The following SPICE1 variants were observed in gnomAD, a reference collection of about 807,000 sequenced individuals.
The protein encoded by SPICE1 is spindle and centriole-associated protein 1.
Under a neutral mutation model 102.7 loss-of-function variants are expected in SPICE1, and 75 were observed. The ratio of observed to expected loss-of-function variants is 0.73; its 90% CI spans 0.61 to 0.88. SPICE1 has a LOEUF of 0.88. Ranked by LOEUF, SPICE1 falls within the 40% of genes least tolerant of loss-of-function variation. SPICE1 has a pLI of 0.00. For missense variants in SPICE1, 979 were observed against 1,020.1 expected (o/e 0.96, Z 0.55); for synonymous variants, 308 against 350.3 (o/e 0.88, Z 1.35).
intron 6 of SPICE1, among the ~76,000 whole-genome samples, chr3:113,490,400 A>C (rs1936740066): frequency 6.6e-6 from 1 of 152,070 alleles, no homozygotes; most frequent in Non-Finnish European, 1.5e-5. Flanking sequence ...CTAGCATTTT[A>C]AGAGGGCAAG....
intron 7 of SPICE1, among the ~76,000 whole-genome samples, chr3:113,486,969 G>A (rs1936663559): frequency 6.6e-6 from 1 of 151,386 alleles, no homozygotes; most frequent in African/African-American, 2.4e-5. Flanking sequence ...AGTGTAGACG[G>A]GAACTAGTTA....
At chr3:113,506,242 T>C (rs1230122039) in intron 2 of SPICE1, among the ~76,000 whole-genome samples, 3 of 152,210 alleles carry the variant, frequency 2.0e-5, no homozygotes, top group Non-Finnish European at 4.4e-5. Context: ...AAAGACGTTT[T>C]TTAAAATATG....
At chr3:113,461,660 G>A (rs1008930638) in intron 11 of SPICE1, among the ~76,000 whole-genome samples, 6 of 152,178 alleles carry the variant, frequency 3.9e-5, no homozygotes, top group East Asian at 1.9e-4. Context: ...GGAACAAAAG[G>A]AGAGTTCTGT....
At chr3:113,475,322 C>A (rs1367662174) in intron 7 of SPICE1, among the ~76,000 whole-genome samples, 1 of 152,108 alleles carries the variant, frequency 6.6e-6, no homozygotes, top group Non-Finnish European at 1.5e-5. Flanking sequence ...AGTCAAGGAC[C>A]AGATGGATTC....
At chr3:113,498,946 A>C (rs1346213233) in intron 4 of SPICE1, 2 of 152,812 alleles carry the variant, frequency 1.3e-5, no homozygotes, top group Non-Finnish European at 2.9e-5. Flanking sequence ...ACAAGCATAC[A>C]ACATCATTTT....
Position 113,506,542 on chromosome 3 carries a change from T to G in SPICE1, c.64A>C (p.Lys22Gln). 1 of 1,613,716 alleles carries G rather than the reference T, an allele frequency of 6.2e-7. No homozygotes were observed. The highest frequency in any genetic ancestry group is 1.1e-5 in the South Asian group (1 of 91,044). ...RVGVRKTPKV[K>Q]KKKTSVKQEW... Reference sequence around the variant, plus strand: ...TGTTTCACTGAAGTTTTCTTCTTCTTTACTTTCGGTGTCTTTCTTACACCA... The same window carrying G: ...TGTTTCACTGAAGTTTTCTTCTTCTGTACTTTCGGTGTCTTTCTTACACCA... The change falls in exon 2 of 18, where the codon AAG becomes CAG. Residue 22 changes from lysine (K) to glutamine (Q), a missense_variant. Transcript: ENST00000295872.
At chr3:113,489,125 T>TTTTTTTAGA in intron 6 of SPICE1, 62 bp from the exon 7 acceptor site, 1 of 1,103,666 alleles carries the variant, frequency 9.1e-7, no homozygotes, top group Non-Finnish European at 1.3e-6. Context: ...GACTTTCTTT[T>TTTTTTTAGA]TTTTTTTCTG....
chr3:113,450,263 T>C, intron 15 of SPICE1, 73 bp downstream of exon 15: 2 of 1,584,530 alleles, frequency 1.3e-6, no homozygotes, highest in Admixed American at 1.7e-5. Flanking sequence ...TTTGGCTTAA[T>C]ATAAACTTGC....
At chr3:113,514,689 T>G in intron 1 of SPICE1, 1 of 1,014,012 alleles carries the variant, frequency 9.9e-7, no homozygotes, top group Non-Finnish European at 1.4e-6. Context: ...CCCTCTGACA[T>G]CCATCGATTT....
intron 11 of SPICE1, 42 bp downstream of exon 11, chr3:113,465,611 T>C (rs955410070): frequency 6.3e-7 from 1 of 1,578,464 alleles, no homozygotes; most frequent in Non-Finnish European, 8.6e-7. Flanking sequence ...AAAGATGTTT[T>C]ATACCACTGA....
chr3:113,506,672 G>T, intron 1 of SPICE1, 67 bp from the exon 2 acceptor site: 4 of 1,242,704 alleles, frequency 3.2e-6, no homozygotes, highest in Non-Finnish European at 3.4e-6. Context: ...CCAGAGTGGG[G>T]GAAGACACCT....
intron 7 of SPICE1, among the ~76,000 whole-genome samples, chr3:113,482,580 T>C (rs995318471): frequency 6.6e-6 from 1 of 152,204 alleles, no homozygotes; most frequent in African/African-American, 2.4e-5. Context: ...TTGAGTTAAT[T>C]TTTGTATAAG....
Position 113,457,227 on chromosome 3 carries a change from G to C in SPICE1, c.1566C>G (p.Ala522=). ...VPDPPDNMNL[A]KNFPAHIFEP... Reference sequence around the variant, plus strand: ...CAAAAATATGTGCTGGAAAATTCTTGGCCAGATTCATGTTATCTGGAGGGT... The same window carrying C: ...CAAAAATATGTGCTGGAAAATTCTTCGCCAGATTCATGTTATCTGGAGGGT... The change falls in exon 13 of 18, where the codon GCC becomes GCG. Residue 522 remains alanine, a synonymous_variant. Transcript: ENST00000295872. 1 of 1,614,098 alleles carries C rather than the reference G, an allele frequency of 6.2e-7. No individual in the cohort carries two copies. Among genetic ancestry groups the C allele is most frequent in the East Asian group, 2.2e-5 (1 of 44,870 alleles).
chr3:113,448,272 G>C, intron 15 of SPICE1, 132 bp from the exon 16 acceptor site: 3 of 695,604 alleles, frequency 4.3e-6, no homozygotes, highest in Non-Finnish European at 6.4e-6. Context: ...CTTAGCCCAA[G>C]ATACACTTGA....
At chr3:113,492,652 T>C (rs1451213187) in intron 6 of SPICE1, among the ~76,000 whole-genome samples, 1 of 152,148 alleles carries the variant, frequency 6.6e-6, no homozygotes, top group African/African-American at 2.4e-5. Flanking sequence ...ACCAGGAATT[T>C]TACATAACTT....
chr3:113,472,079 G>A (rs1389510833), intron 7 of SPICE1, among the ~76,000 whole-genome samples: 2 of 152,240 alleles, frequency 1.3e-5, no homozygotes, highest in Non-Finnish European at 2.9e-5. Context: ...ATTGGGTCAT[G>A]CCCACCCTAA....
chr3:113,487,037 G>C lies in SPICE1; in HGVS notation c.611+1908C>G, dbSNP rs574468576. ...TGAAAACAGCTTTTTGTATAATTTT[G>C]TCAAAAAGAGAGGTAAAAACCTAAA... is the stretch of plus-strand genomic sequence containing the variant. On this transcript the variant is annotated intron_variant, in intron 7 of 17. Coordinates refer to ENST00000295872, the MANE Select transcript of SPICE1 (RefSeq NM_144718.4). Among the ~76,000 whole-genome samples, 11 of 152,020 alleles carry C rather than the reference G, an allele frequency of 7.2e-5. No homozygotes were observed. In the South Asian group the frequency reaches 2.3e-3, roughly 32 times the overall value.
intron 7 of SPICE1, among the ~76,000 whole-genome samples, chr3:113,480,585 TAA>T (rs1936467524): frequency 1.3e-5 from 2 of 152,132 alleles, no homozygotes; most frequent in Non-Finnish European, 1.5e-5. Context: ...TGTACCATAT[TAA>T]GAGACATAAG....
chr3:113,466,736 G>GAT (rs1936066737), intron 10 of SPICE1, among the ~76,000 whole-genome samples: 1 of 152,162 alleles, frequency 6.6e-6, no homozygotes, highest in Non-Finnish European at 1.5e-5. Context: ...ACAATACAAT[G>GAT]AATCTGTCAT....
Sources: allele counts gnomAD v4.1 joint callset (sites outside exome capture counted in the v4.1 genomes callset), GRCh38; gene constraint gnomAD v4.1.1; transcripts MANE v1.5; gene names NCBI Gene and HGNC (gene_info 2026-07-23, HGNC 2026-07-21).